PCSK5: variants seen among roughly 807,000 people sequenced by gnomAD.
PCSK5 encodes the protein prohormone convertase 5.
PCSK5 carries 129 observed loss-of-function variants against 233.2 expected under a neutral mutation model. The ratio of observed to expected loss-of-function variants is 0.55; its 90% CI spans 0.48 to 0.64. The LOEUF (loss-of-function observed/expected upper bound fraction) is 0.64, where lower values mean the gene tolerates loss of function less well. Among genes scored for constraint, PCSK5 ranks in the 30% least tolerant of loss-of-function variants. PCSK5 has a pLI of 0.00. For synonymous variants in PCSK5, 825 were observed against 879.2 expected (o/e 0.94, Z 1.09); for missense variants, 2,076 against 2,430.1 (o/e 0.85, Z 3.06).
chr9:75,996,058 TG>T, intron 3 of PCSK5, among the ~76,000 whole-genome samples: 1 of 152,268 alleles, frequency 6.6e-6, no homozygotes, highest in East Asian at 1.9e-4. Context: ...ATGACTGAGC[TG>T]GAATAATAGC....
At chr9:76,204,685 C>T (rs1282757682) in intron 20 of PCSK5, among the ~76,000 whole-genome samples, 1 of 152,158 alleles carries the variant, frequency 6.6e-6, no homozygotes, top group Admixed American at 6.6e-5. Context: ...AGTGCATTTG[C>T]TTTTTCTCAT....
At position 76,350,940 on chromosome 9, in the gene PCSK5, T is replaced by C. The variant is rs778771201; in HGVS notation, c.5067+12T>C. ...ACAGAGTGGGAGAGGTATGGAGGGC[T>C]GGGGGTCCTGGGCCTTCTGCTCTTT... On this transcript the variant is annotated intron_variant, in intron 36 of 37. Coordinates refer to ENST00000674117, the MANE Select transcript of PCSK5 (RefSeq NM_001372043.1). The C allele has an allele frequency of 1.5e-6, 2 of 1,346,184 alleles. No individual in the cohort carries two copies. Among genetic ancestry groups the C allele is most frequent in the Middle Eastern group, 1.8e-4 (1 of 5,506 alleles). 83.4% of individuals were successfully genotyped at this position (1,346,184 alleles called of 1,614,324 possible). A position where few individuals can be genotyped will look rare whatever the true frequency, so the allele number is the denominator to read the frequency against.
intron 2 of PCSK5, among the ~76,000 whole-genome samples, chr9:75,933,892 G>A (rs1273872423): frequency 6.6e-6 from 1 of 152,118 alleles, no homozygotes; most frequent in Non-Finnish European, 1.5e-5. Context: ...TTAAAACGAC[G>A]CTAATTTCAG....
chr9:75,981,219 C>T (rs890819414), intron 2 of PCSK5, among the ~76,000 whole-genome samples: 1 of 152,048 alleles, frequency 6.6e-6, no homozygotes, highest in African/African-American at 2.4e-5. Flanking sequence ...TTGTTTTTAA[C>T]GAAATGTTTA....
chr9:76,289,014 A>G (rs1828176977), intron 24 of PCSK5, among the ~76,000 whole-genome samples: 1 of 152,184 alleles, frequency 6.6e-6, no homozygotes, highest in South Asian at 2.1e-4. Flanking sequence ...CAATGTCTCC[A>G]TGGGACAGTG....
chr9:76,231,851 C>T (rs773312924), intron 21 of PCSK5, among the ~76,000 whole-genome samples: 1 of 152,176 alleles, frequency 6.6e-6, no homozygotes, highest in Non-Finnish European at 1.5e-5. Flanking sequence ...GGGACTCATA[C>T]TCTGCAGTGG....
intron 5 of PCSK5, among the ~76,000 whole-genome samples, chr9:76,030,817 A>C (rs914235043): frequency 1.3e-5 from 2 of 151,864 alleles, no homozygotes; most frequent in Non-Finnish European, 2.9e-5. Context: ...ACTTCCCAAG[A>C]CCCTTGTTCA....
intron 1 of PCSK5, among the ~76,000 whole-genome samples, chr9:75,921,010 A>T (rs1823233753): frequency 6.6e-6 from 1 of 152,146 alleles, no homozygotes; most frequent in African/African-American, 2.4e-5. Context: ...GAAACATGCC[A>T]GTTAACATTA....
chr9:76,063,295 T>C (rs942472498), intron 5 of PCSK5, among the ~76,000 whole-genome samples: 5 of 144,234 alleles, frequency 3.5e-5, no homozygotes, highest in African/African-American at 1.3e-4. Context: ...CCACCACACC[T>C]GGCTACTGGC....
chr9:76,181,803 G>T (rs1823884078), intron 16 of PCSK5, among the ~76,000 whole-genome samples: 1 of 152,156 alleles, frequency 6.6e-6, no homozygotes, highest in South Asian at 2.1e-4. Flanking sequence ...CCCAGATTCA[G>T]TGATTTGCTG....
intron 9 of PCSK5, among the ~76,000 whole-genome samples, chr9:76,115,515 A>T (rs1832388708): frequency 6.6e-6 from 1 of 152,130 alleles, no homozygotes; most frequent in African/African-American, 2.4e-5. Flanking sequence ...TACAAGAAAT[A>T]TGTGAGATTT....
chr9:76,171,678 TAG>T (rs1823336293), intron 13 of PCSK5, among the ~76,000 whole-genome samples: 1 of 152,166 alleles, frequency 6.6e-6, no homozygotes, highest in Admixed American at 6.5e-5. Context: ...TCAGATAATC[TAG>T]AGTTACCTAT....
chr9:75,991,587 C>A (rs568899732), intron 3 of PCSK5, among the ~76,000 whole-genome samples: 1 of 152,160 alleles, frequency 6.6e-6, no homozygotes, highest in Non-Finnish European at 1.5e-5. Context: ...ACTTTACCTT[C>A]GCTGATTGAA....
At position 76,323,249 on chromosome 9, in the gene PCSK5, G is replaced by A. The variant is rs1283767609; in HGVS notation, c.4300G>A (p.Ala1434Thr). 2 of 1,611,936 alleles carry A rather than the reference G, an allele frequency of 1.2e-6. No homozygotes were observed. Among genetic ancestry groups the A allele is most frequent in the Non-Finnish European group, 1.7e-6 (2 of 1,179,068 alleles). Residue 1434 changes from alanine to threonine, a missense_variant, in exon 32 of 38, where the codon GCA becomes ACA. By Grantham distance (58) the Ala-to-Thr change is moderately conservative (BLOSUM62 0). This residue lies in a region of PCSK5 where 1,510 missense variants were observed against 1,538.1 expected (regional missense o/e 0.98). Coordinates refer to ENST00000674117, the MANE Select transcript of PCSK5 (RefSeq NM_001372043.1). ...YDGLCLEECPAGTYYEKETKE... is the reference protein window; with the variant it reads ...YDGLCLEECPTGTYYEKETKE... ...TGGACTGTGCTTGGAGGAGTGTCCA[G>A]CAGGAACCTATTATGAAAAGGAGAC...
In PCSK5 at chr9:76,073,162, C is replaced by T. The variant is rs186878946; in HGVS notation, c.894+1264C>T. Among the ~76,000 whole-genome samples, 4 of 152,304 alleles carry T rather than the reference C, an allele frequency of 2.6e-5. No individual in the cohort carries two copies. In the East Asian group the frequency reaches 5.8e-4, roughly 22 times the overall value. On this transcript the variant is annotated intron_variant, in intron 7 of 37. Transcript: ENST00000674117. ...GTTAAATATCCAGCTCAGATACTTA[C>T]AGTGGAATGCATTGTTGATTAATGT...
chr9:76,011,397 A>G (rs1040028828), intron 3 of PCSK5, among the ~76,000 whole-genome samples: 20 of 152,194 alleles, frequency 1.3e-4, no homozygotes, highest in African/African-American at 4.8e-4. Context: ...TAGATTTTAT[A>G]CTAGTTTGCA....
intron 24 of PCSK5, among the ~76,000 whole-genome samples, chr9:76,255,471 G>C (rs1010986799): frequency 2.0e-5 from 3 of 152,150 alleles, no homozygotes. Context: ...TGTTCAGCTA[G>C]GTGGACATTT....
intron 7 of PCSK5, among the ~76,000 whole-genome samples, chr9:76,083,204 C>CAAAAAAAAAAAAAAAAAAAAA: frequency 1.3e-5 from 1 of 75,460 alleles, no homozygotes; most frequent in Non-Finnish European, 2.5e-5. Flanking sequence ...AGCGAGATCT[C>CAAAAAAAAAAAAAAAAAAAAA]AAAAAAAAAA....
At chr9:76,247,430 T>C (rs988066460) in intron 24 of PCSK5, among the ~76,000 whole-genome samples, 27 of 152,324 alleles carry the variant, frequency 1.8e-4, no homozygotes, top group African/African-American at 4.8e-4. Context: ...CTCTGTGCTC[T>C]CAGGGGATAG....
Sources: allele counts gnomAD v4.1 joint callset (sites outside exome capture counted in the v4.1 genomes callset), GRCh38; gene constraint gnomAD v4.1.1; regional missense constraint gnomAD v4.1.1; transcripts MANE v1.5; gene names NCBI Gene and HGNC (gene_info 2026-07-23, HGNC 2026-07-21).